GPATCH2: variants seen among roughly 807,000 people sequenced by gnomAD.
GPATCH2 encodes the protein G patch domain-containing protein 2.
A neutral mutation model predicts 58.0 loss-of-function variants in GPATCH2; 51 were observed. The observed-to-expected ratio is 0.88, with a 90% CI of 0.70 to 1.11. GPATCH2 has a LOEUF of 1.11. Ranked by LOEUF, GPATCH2 falls within the 50% of genes most tolerant of loss-of-function variation. The pLI, the probability that GPATCH2 is intolerant of heterozygous loss-of-function variation, is 0.00. For missense variants in GPATCH2, 625 were observed against 652.2 expected (o/e 0.96, Z 0.45); for synonymous variants, 222 against 218.5 (o/e 1.02, Z -0.14).
intron 5 of GPATCH2, among the ~76,000 whole-genome samples, chr1:217,526,354 GACCTTACTAT>G (rs1457299862): frequency 6.6e-6 from 1 of 152,042 alleles, no homozygotes; most frequent in African/African-American, 2.4e-5. Context: ...TGCAGTTCAA[GACCTTACTAT>G]ACCATTAATT....
chr1:217,522,159 G>T (rs2102598636), intron 5 of GPATCH2, among the ~76,000 whole-genome samples: 1 of 152,086 alleles, frequency 6.6e-6, no homozygotes, highest in South Asian at 2.1e-4. Flanking sequence ...TTTTTTCCTA[G>T]TTAAAGCCAT....
At chr1:217,608,523 AC>A in intron 5 of GPATCH2, 1 of 984,686 alleles carries the variant, frequency 1.0e-6, no homozygotes, top group Non-Finnish European at 1.2e-6. Flanking sequence ...ATAAAATACC[AC>A]AGTGAGATTG....
chr1:217,545,930 T>C (rs186541354), intron 5 of GPATCH2, among the ~76,000 whole-genome samples: 59 of 152,352 alleles, frequency 3.9e-4, no homozygotes, highest in African/African-American at 1.3e-3. Context: ...TCAATAATTT[T>C]CTCTGGGTAA....
At chr1:217,445,044 A>C (rs1054760203) in intron 9 of GPATCH2, among the ~76,000 whole-genome samples, 3 of 152,170 alleles carry the variant, frequency 2.0e-5, no homozygotes, top group Admixed American at 1.3e-4. Flanking sequence ...TGGAGAAAAA[A>C]GTTGAAAAGT....
At chr1:217,494,808 A>G (rs1661929268) in intron 7 of GPATCH2, among the ~76,000 whole-genome samples, 1 of 152,144 alleles carries the variant, frequency 6.6e-6, no homozygotes, top group Non-Finnish European at 1.5e-5. Flanking sequence ...AAAACAAACA[A>G]GAATCCTTGA....
chr1:217,613,073 T>C (rs1668710595), intron 3 of GPATCH2, among the ~76,000 whole-genome samples: 1 of 152,070 alleles, frequency 6.6e-6, no homozygotes, highest in South Asian at 2.1e-4. Context: ...TCAGCATTTA[T>C]AATACAATCC....
intron 8 of GPATCH2, among the ~76,000 whole-genome samples, chr1:217,471,253 C>T (rs114505407): frequency 1.2e-3 from 187 of 152,192 alleles, no homozygotes; most frequent in African/African-American, 4.2e-3. Context: ...TGTTGATATA[C>T]TTAATTTTGT....
chr1:217,607,223 T>C (rs909523454), intron 5 of GPATCH2, among the ~76,000 whole-genome samples: 4 of 152,224 alleles, frequency 2.6e-5, no homozygotes, highest in Admixed American at 1.3e-4. Context: ...CAGTAACATG[T>C]ACAGAGCAGT....
At chr1:217,523,806 A>AC (rs558452828) in intron 5 of GPATCH2, among the ~76,000 whole-genome samples, 21,433 of 131,324 alleles carry the variant, frequency 0.16, 2,004 homozygotes, top group East Asian at 0.45. Flanking sequence ...TGGGGGGCTG[A>AC]CCCCCCCACC....
chr1:217,461,921 C>G (rs1268935771), intron 8 of GPATCH2, among the ~76,000 whole-genome samples: 1 of 152,066 alleles, frequency 6.6e-6, no homozygotes. Flanking sequence ...CAAATATTTA[C>G]TAGACTATAA....
At chr1:217,487,136 C>A (rs1558426923) in intron 8 of GPATCH2, among the ~76,000 whole-genome samples, 1 of 152,270 alleles carries the variant, frequency 6.6e-6, no homozygotes, top group Middle Eastern at 3.4e-3. Flanking sequence ...CAAGTCAAAG[C>A]CACCCTGCTT....
intron 8 of GPATCH2, among the ~76,000 whole-genome samples, chr1:217,489,595 G>A (rs943764244): frequency 3.9e-5 from 6 of 152,196 alleles, no homozygotes; most frequent in African/African-American, 1.2e-4. Flanking sequence ...GGGCACAGTG[G>A]CTCATGCCTG....
intron 5 of GPATCH2, among the ~76,000 whole-genome samples, chr1:217,605,802 T>G (rs1279270673): frequency 6.6e-6 from 1 of 152,218 alleles, no homozygotes; most frequent in African/African-American, 2.4e-5. Flanking sequence ...TTACTTGGAT[T>G]CACTTTATAG....
intron 6 of GPATCH2, among the ~76,000 whole-genome samples, chr1:217,500,282 ACTC>A (rs1662233264): frequency 6.7e-6 from 1 of 150,306 alleles, no homozygotes; most frequent in African/African-American, 2.4e-5. Flanking sequence ...CCCATCCCTT[ACTC>A]CTCCCTCCTC....
At chr1:217,543,269 G>GTTT (rs397860651) in intron 5 of GPATCH2, among the ~76,000 whole-genome samples, 65 of 105,708 alleles carry the variant, frequency 6.1e-4, no homozygotes, top group East Asian at 1.2e-3. Context: ...TGATGCGAAC[G>GTTT]TTTTTTTTTT....
intron 5 of GPATCH2, among the ~76,000 whole-genome samples, chr1:217,578,998 T>TA (rs1278261812): frequency 1.3e-5 from 2 of 152,208 alleles, no homozygotes; most frequent in Non-Finnish European, 2.9e-5. Context: ...ACATCAAAGG[T>TA]AAATCCTTCA....
chr1:217,612,318 G>A (rs913709607), intron 3 of GPATCH2, among the ~76,000 whole-genome samples: 1 of 152,174 alleles, frequency 6.6e-6, no homozygotes, highest in South Asian at 2.1e-4. Flanking sequence ...GAGGGTCGTT[G>A]TAATTGTCAT....
At chr1:217,510,820 C>T (rs999432203) in intron 6 of GPATCH2, among the ~76,000 whole-genome samples, 1 of 152,104 alleles carries the variant, frequency 6.6e-6, no homozygotes, top group African/African-American at 2.4e-5. Context: ...AGGCCAGGTG[C>T]AGTGGCTCAC....
intron 8 of GPATCH2, among the ~76,000 whole-genome samples, chr1:217,485,048 A>C (rs571221482): frequency 6.6e-6 from 1 of 152,184 alleles, no homozygotes; most frequent in African/African-American, 2.4e-5. Context: ...GAAGTCCCAC[A>C]ATCTGTGGTC....
Sources: allele counts gnomAD v4.1 joint callset (sites outside exome capture counted in the v4.1 genomes callset), GRCh38; gene constraint gnomAD v4.1.1; transcripts MANE v1.5; gene names NCBI Gene and HGNC (gene_info 2026-07-23, HGNC 2026-07-21).